The following SMIM14 variants were observed in gnomAD, a reference collection of about 807,000 sequenced individuals.
SMIM14 encodes the protein small integral membrane protein 14, also known as chromosome 4 open reading frame 34.
SMIM14 carries 5 observed loss-of-function variants against 12.6 expected under a neutral mutation model. The ratio of observed to expected loss-of-function variants is 0.40; its 90% confidence interval spans 0.21 to 0.83. SMIM14 has a LOEUF of 0.83. Among genes scored for constraint, SMIM14 ranks in the 40% least tolerant of loss-of-function variants. SMIM14 has a pLI of 0.37. For synonymous variants in SMIM14, 30 were observed against 40.1 expected (o/e 0.75, Z 0.95); for missense variants, 86 against 119.1 (o/e 0.72, Z 1.29).
rs11451806 is a variant in SMIM14, at chr4:39,630,867, C to CAAA, written c.-36+7869_-36+7871dup. On this transcript the variant is annotated intron_variant, in intron 1 of 4. Transcript: ENST00000295958. ...ATGGGCAACAAGAGCAAAACCCTGT[C>CAAA]AAAAAAAAAAAAAAAGAAAGAAGGA... is the stretch of plus-strand genomic sequence containing the variant. 7.2e-3 allele frequency among the ~76,000 whole-genome samples: 390 copies of CAAA among 53,880 alleles called. 2 individuals carry two copies. The highest frequency in any genetic ancestry group is 0.025 in the African/African-American group (377 of 14,884). The allele number at this position is 53,880 out of a possible 152,430, so 35.3% of individuals were successfully genotyped here. A position where few individuals can be genotyped will look rare whatever the true frequency, so the allele number is the denominator to read the frequency against.
rs185599995 is a variant in SMIM14, at chr4:39,562,954, C to A, written c.125-6384G>T. 6.6e-4 allele frequency among the ~76,000 whole-genome samples: 100 copies of A among 152,196 alleles called. 2 individuals carry two copies. On this transcript the variant is annotated intron_variant, in intron 3 of 4. Transcript: ENST00000295958. The stretch of plus-strand genomic sequence containing the variant: ...CTACTGTGCCCAGCAACTCTAAGTT[C>A]TTTAGCTCAGCCTTTCCTCATATGA...
In SMIM14 at chr4:39,579,339, T is replaced by C. The variant is rs551025282; in HGVS notation, c.76-6876A>G. ...GTGGAAGAACTGCTTGAGCCCAGGA[T>C]GTCGAGGATGCTGTGAGCTGTGTTT... On this transcript the variant is annotated intron_variant, in intron 2 of 4. Transcript: ENST00000295958. Among the ~76,000 whole-genome samples, 4 of 145,778 alleles carry C rather than the reference T, an allele frequency of 2.7e-5. No homozygotes were observed. The South Asian group carries it at 6.5e-4, about 24-fold the overall frequency.
chr4:39,636,935 C>T (rs538448688), intron 1 of SMIM14, among the ~76,000 whole-genome samples: 1 of 152,288 alleles, frequency 6.6e-6, no homozygotes, highest in South Asian at 2.1e-4. Context: ...ACCACAGAAA[C>T]TGAAACTCGG....
intron 1 of SMIM14, among the ~76,000 whole-genome samples, chr4:39,636,943 C>T (rs1289255426): frequency 6.6e-6 from 1 of 152,118 alleles, no homozygotes; most frequent in Non-Finnish European, 1.5e-5. Context: ...AACTGAAACT[C>T]GGGAAACCCC....
chr4:39,584,339 G>A (rs1209466120), intron 2 of SMIM14, among the ~76,000 whole-genome samples: 7 of 151,084 alleles, frequency 4.6e-5, no homozygotes, highest in East Asian at 3.9e-4. Context: ...AAAATTAGCC[G>A]GGCATGCTGG....
intron 1 of SMIM14, among the ~76,000 whole-genome samples, chr4:39,623,689 A>G (rs1481451789): frequency 1.3e-5 from 2 of 152,046 alleles, no homozygotes; most frequent in African/African-American, 4.8e-5. Flanking sequence ...GTGAAACTCC[A>G]TCTCTACTAA....
At chr4:39,607,424 C>G (rs1016903239) in intron 1 of SMIM14, among the ~76,000 whole-genome samples, 1 of 152,120 alleles carries the variant, frequency 6.6e-6, no homozygotes. Context: ...CATAAATTCA[C>G]TCAAAAATAT....
chr4:39,620,469 G>C (rs1715443811), intron 1 of SMIM14, among the ~76,000 whole-genome samples: 1 of 151,960 alleles, frequency 6.6e-6, no homozygotes, highest in African/African-American at 2.4e-5. Context: ...GAGAGAGATA[G>C]ACTGTATCAA....
chr4:39,605,348 G>T (rs1213572849), intron 1 of SMIM14, among the ~76,000 whole-genome samples, 168 bp from the exon 2 acceptor site: 1 of 152,038 alleles, frequency 6.6e-6, no homozygotes, highest in South Asian at 2.1e-4. Context: ...TATGAATTAT[G>T]AATCTATACA....
At chr4:39,613,883 A>G (rs1489036572) in intron 1 of SMIM14, among the ~76,000 whole-genome samples, 1 of 152,172 alleles carries the variant, frequency 6.6e-6, no homozygotes, top group African/African-American at 2.4e-5. Context: ...GAAAACATAA[A>G]TAGTTTACTA....
chr4:39,624,119 G>A (rs1715604720), intron 1 of SMIM14, among the ~76,000 whole-genome samples: 1 of 152,132 alleles, frequency 6.6e-6, no homozygotes, highest in Admixed American at 6.6e-5. Flanking sequence ...ATTACCCAAA[G>A]TCTCAGTATA....
intron 2 of SMIM14, among the ~76,000 whole-genome samples, chr4:39,604,050 T>C (rs936261076): frequency 4.6e-5 from 7 of 151,720 alleles, no homozygotes; most frequent in African/African-American, 1.7e-4. Flanking sequence ...TAGAGATTCG[T>C]ATTGTCATGC....
intron 2 of SMIM14, among the ~76,000 whole-genome samples, chr4:39,576,731 G>C (rs1713219635): frequency 1.2e-5 from 1 of 81,740 alleles, no homozygotes; most frequent in African/African-American, 4.7e-5. Context: ...TTTTGAGACG[G>C]AGTCTTGCTC....
chr4:39,617,414 C>A (rs529768256), intron 1 of SMIM14, among the ~76,000 whole-genome samples: 2 of 152,250 alleles, frequency 1.3e-5, no homozygotes, highest in African/African-American at 4.8e-5. Flanking sequence ...AAAGAATAAT[C>A]TTACAGTAAG....
chr4:39,606,446 T>G (rs756573310), intron 1 of SMIM14, among the ~76,000 whole-genome samples: 1 of 151,518 alleles, frequency 6.6e-6, no homozygotes, highest in Non-Finnish European at 1.5e-5. Flanking sequence ...ATAGAGGCCA[T>G]CCTGGCCAAC....
Position 39,551,355 on chromosome 4 carries a change from A to G in SMIM14, c.*771T>C, listed in dbSNP as rs1187686263. ...AAAGAATTAATGTTTTCCTCCTTTC[A>G]TGAACCTTGTAAGGCTAGTGTTGAG... On this transcript the variant is annotated 3_prime_UTR_variant, in exon 5 of 5. Transcript: ENST00000295958. 6.5e-6 allele frequency: 1 copy of G among 152,674 alleles called. No individual in the cohort carries two copies. Among genetic ancestry groups the G allele is most frequent in the Non-Finnish European group, 1.5e-5 (1 of 68,050 alleles). The allele number at this position is 152,674 out of a possible 1,614,324, so 9.5% of individuals were successfully genotyped here.
At chr4:39,608,949 A>G (rs1177057378) in intron 1 of SMIM14, among the ~76,000 whole-genome samples, 1 of 152,128 alleles carries the variant, frequency 6.6e-6, no homozygotes, top group Admixed American at 6.6e-5. Context: ...TGAATATACT[A>G]AAAGACACTG....
At chr4:39,633,309 G>T (rs1715978987) in intron 1 of SMIM14, among the ~76,000 whole-genome samples, 1 of 151,918 alleles carries the variant, frequency 6.6e-6, no homozygotes, top group African/African-American at 2.4e-5. Context: ...AAAAAATTAA[G>T]AAGTCTTTAA....
chr4:39,559,387 A>C (rs1174927505), intron 3 of SMIM14, among the ~76,000 whole-genome samples: 1 of 71,166 alleles, frequency 1.4e-5, no homozygotes, highest in African/African-American at 8.8e-5. Context: ...AGACCCTGTC[A>C]AAAAAAAAAA....
Sources: allele counts gnomAD v4.1 joint callset (sites outside exome capture counted in the v4.1 genomes callset), GRCh38; gene constraint gnomAD v4.1.1; transcripts MANE v1.5; gene names NCBI Gene and HGNC (gene_info 2026-07-23, HGNC 2026-07-21).